The following CACNA2D3 variants were observed in gnomAD, a reference collection of about 807,000 sequenced individuals.
CACNA2D3 encodes the protein calcium voltage-gated channel auxiliary subunit alpha2delta 3.
In CACNA2D3, 60 loss-of-function variants were observed where a neutral mutation model predicts 160.6. The observed-to-expected ratio is 0.37, with a 90% CI of 0.30 to 0.46. The LOEUF is 0.46. Ranked by LOEUF, CACNA2D3 falls within the 20% of genes least tolerant of loss-of-function variation. The probability of loss-of-function intolerance (pLI) is 1.00; values close to 1 mark genes in which losing one functional copy is unlikely to be tolerated. For synonymous variants in CACNA2D3, 558 were observed against 492.9 expected, an observed-to-expected ratio of 1.13 and a Z score of -1.75; for missense variants, 1,205 against 1,365.0, an observed-to-expected ratio of 0.88 and a Z score of 1.85.
intron 14 of CACNA2D3, among the ~76,000 whole-genome samples, chr3:54,829,982 C>A (rs1703837656): frequency 8.7e-6 from 1 of 114,802 alleles, no homozygotes; most frequent in South Asian, 2.9e-4. Flanking sequence ...GCAACCTCTG[C>A]CTCCCAGGTT....
chr3:54,861,569 A>T (rs536634343), intron 17 of CACNA2D3, among the ~76,000 whole-genome samples: 101 of 152,300 alleles, frequency 6.6e-4, no homozygotes, highest in African/African-American at 2.3e-3. Flanking sequence ...TTGTGAAAGA[A>T]TCTCTCTGGC....
intron 11 of CACNA2D3, among the ~76,000 whole-genome samples, chr3:54,723,377 A>G (rs954474338): frequency 2.0e-5 from 3 of 152,188 alleles, no homozygotes; most frequent in Non-Finnish European, 2.9e-5. Flanking sequence ...CCCTGGCTTC[A>G]GCACCCCTTT....
chr3:54,252,756 A>C (rs1264529540), intron 2 of CACNA2D3, among the ~76,000 whole-genome samples: 3 of 152,198 alleles, frequency 2.0e-5, no homozygotes, highest in Non-Finnish European at 2.9e-5. Flanking sequence ...GAAAGCCTGC[A>C]GCATGCTTCC....
At chr3:54,335,578 C>G (rs1024890098) in intron 3 of CACNA2D3, among the ~76,000 whole-genome samples, 1 of 152,154 alleles carries the variant, frequency 6.6e-6, no homozygotes, top group East Asian at 1.9e-4. Context: ...TTACTGCCAC[C>G]TGTTTTATCA....
intron 5 of CACNA2D3, among the ~76,000 whole-genome samples, chr3:54,527,616 A>G (rs1701745939): frequency 6.6e-6 from 1 of 152,154 alleles, no homozygotes; most frequent in African/African-American, 2.4e-5. Context: ...TGCAGATGTT[A>G]TGGACGAAGG....
chr3:55,007,313 C>T (rs1369260162), intron 32 of CACNA2D3, among the ~76,000 whole-genome samples: 3 of 152,142 alleles, frequency 2.0e-5, no homozygotes, highest in African/African-American at 4.8e-5. Context: ...CTACATAATT[C>T]GTGGACGGCA....
At chr3:54,911,688 G>A (rs185051771) in intron 27 of CACNA2D3, among the ~76,000 whole-genome samples, 23 of 152,082 alleles carry the variant, frequency 1.5e-4, no homozygotes, top group Non-Finnish European at 2.5e-4. Context: ...AGCTTCTACC[G>A]CTTCCCCTGT....
intron 2 of CACNA2D3, among the ~76,000 whole-genome samples, chr3:54,304,877 G>A (rs2107493654): frequency 6.6e-6 from 1 of 151,788 alleles, no homozygotes; most frequent in East Asian, 1.9e-4. Flanking sequence ...AGGCACGATT[G>A]GAATTTTGTT....
chr3:54,871,181 A>T, intron 17 of CACNA2D3, among the ~76,000 whole-genome samples: 1 of 133,998 alleles, frequency 7.5e-6, no homozygotes, highest in African/African-American at 3.1e-5. Flanking sequence ...ATATAGGTGG[A>T]GACACACACA....
intron 17 of CACNA2D3, among the ~76,000 whole-genome samples, chr3:54,869,331 T>G (rs1221512065): frequency 6.6e-6 from 1 of 152,214 alleles, no homozygotes; most frequent in African/African-American, 2.4e-5. Flanking sequence ...TTTTCCCAAA[T>G]GCATTATGGG....
chr3:54,510,247 T>C (rs1348676346), intron 5 of CACNA2D3, among the ~76,000 whole-genome samples: 1 of 151,714 alleles, frequency 6.6e-6, no homozygotes, highest in Non-Finnish European at 1.5e-5. Context: ...AATGGATGAA[T>C]GGATGAAGGG....
At chr3:55,073,042 G>A (rs913317925) in intron 35 of CACNA2D3, among the ~76,000 whole-genome samples, 25 of 152,218 alleles carry the variant, frequency 1.6e-4, no homozygotes, top group African/African-American at 5.5e-4. Flanking sequence ...TTGAGGGAAG[G>A]AGGAGAGAAA....
intron 9 of CACNA2D3, among the ~76,000 whole-genome samples, chr3:54,623,171 G>A (rs546720015): frequency 1.1e-4 from 16 of 141,532 alleles, no homozygotes; most frequent in Admixed American, 5.9e-4. Flanking sequence ...AGGCATGCCC[G>A]GATCTAGGGG....
chr3:54,187,188 C>T (rs1482509684), intron 2 of CACNA2D3, among the ~76,000 whole-genome samples: 1 of 152,182 alleles, frequency 6.6e-6, no homozygotes, highest in African/African-American at 2.4e-5. Flanking sequence ...AGTCACTTGA[C>T]ATCTTGGCCT....
At chr3:54,387,134 C>A (rs527849070) in intron 4 of CACNA2D3, among the ~76,000 whole-genome samples, 6 of 152,192 alleles carry the variant, frequency 3.9e-5, no homozygotes, top group African/African-American at 1.4e-4. Context: ...TTTTGGAATG[C>A]AAGTGACTGA....
intron 4 of CACNA2D3, among the ~76,000 whole-genome samples, chr3:54,427,683 T>C (rs556019654): frequency 6.6e-6 from 1 of 152,344 alleles, no homozygotes; most frequent in East Asian, 1.9e-4. Context: ...TCTAGTCTAG[T>C]AAGCATAACT....
chr3:54,723,343 C>T (rs1701210795), intron 11 of CACNA2D3, among the ~76,000 whole-genome samples: 1 of 152,122 alleles, frequency 6.6e-6, no homozygotes, highest in Non-Finnish European at 1.5e-5. Flanking sequence ...GGGGGTGGGA[C>T]CTGCTGAGAC....
At chr3:54,192,010 C>A (rs989456693) in intron 2 of CACNA2D3, among the ~76,000 whole-genome samples, 1 of 152,038 alleles carries the variant, frequency 6.6e-6, no homozygotes, top group Non-Finnish European at 1.5e-5. Flanking sequence ...TTATTTGGGA[C>A]CTGCCAGCTG....
In CACNA2D3 at chr3:54,223,526, A is replaced by C. The variant is rs553040556; in HGVS notation, c.205-96916A>C. ...AATGCCTAGGACATTACTGCATACT[A>C]CTGTAGACTTTATAAATACTGTACA... On this transcript the variant is annotated intron_variant, in intron 2 of 37. Coordinates refer to ENST00000474759, the MANE Select transcript of CACNA2D3 (RefSeq NM_018398.3). 4.6e-5 allele frequency among the ~76,000 whole-genome samples: 7 copies of C among 152,262 alleles called. No homozygotes were observed. In the South Asian group the frequency reaches 1.2e-3, roughly 27 times the overall value.
Sources: allele counts gnomAD v4.1 joint callset (sites outside exome capture counted in the v4.1 genomes callset), GRCh38; gene constraint gnomAD v4.1.1; transcripts MANE v1.5; gene names NCBI Gene and HGNC (gene_info 2026-07-23, HGNC 2026-07-21).